Variants in RPS6KA2 observed in about 807,000 individuals in gnomAD.
RPS6KA2 encodes ribosomal protein S6 kinase alpha-2.
RPS6KA2 carries 42 observed loss-of-function variants against 91.8 expected under a neutral mutation model. The observed-to-expected ratio is 0.46, with a 90% CI of 0.36 to 0.59. RPS6KA2 has a LOEUF of 0.59. RPS6KA2 is among the 20% of genes least tolerant of loss of function. RPS6KA2 has a pLI of 0.00. For missense variants in RPS6KA2, 798 were observed against 978.5 expected (o/e 0.82, Z 2.46); for synonymous variants, 414 against 393.6 (o/e 1.05, Z -0.61).
chr6:166,589,519 A>G (rs956678670), intron 1 of RPS6KA2, among the ~76,000 whole-genome samples: 5 of 152,222 alleles, frequency 3.3e-5, no homozygotes, highest in Admixed American at 6.5e-5. Flanking sequence ...TTAGAATTGA[A>G]ATCAGTTGAA....
chr6:166,713,698 G>T (rs1163770909), intron 2 of RPS6KA2, among the ~76,000 whole-genome samples: 2 of 152,200 alleles, frequency 1.3e-5, no homozygotes, highest in African/African-American at 4.8e-5. Context: ...CATTTATTCA[G>T]CTTTATTATT....
intron 2 of RPS6KA2, among the ~76,000 whole-genome samples, chr6:166,710,638 T>C (rs1789819136): frequency 6.6e-6 from 1 of 152,286 alleles, no homozygotes; most frequent in Non-Finnish European, 1.5e-5. Context: ...CCTTCTTCTC[T>C]TCCAGGAAGA....
intron 2 of RPS6KA2, among the ~76,000 whole-genome samples, chr6:166,813,328 G>A (rs968180391): frequency 4.6e-5 from 7 of 152,152 alleles, no homozygotes; most frequent in Non-Finnish European, 8.8e-5. Context: ...TCCATGTGGA[G>A]CTCCCTGGAA....
At chr6:166,567,014 A>T (rs1784526813) in intron 1 of RPS6KA2, among the ~76,000 whole-genome samples, 1 of 152,204 alleles carries the variant, frequency 6.6e-6, no homozygotes, top group Admixed American at 6.5e-5. Flanking sequence ...TAGCCCAAAG[A>T]GTTGCAAATA....
chr6:166,858,854 T>G (rs1386938956), intron 1 of RPS6KA2, among the ~76,000 whole-genome samples: 2 of 152,256 alleles, frequency 1.3e-5, no homozygotes, highest in Non-Finnish European at 2.9e-5. Flanking sequence ...CTGCTTAACC[T>G]GGGCCTCGGA....
Position 166,665,190 on chromosome 6 carries a change from C to A in RPS6KA2, c.124-126406G>T, listed in dbSNP as rs956667899. ...GAACAACATCTGCAGGGCTCACAGA[C>A]AGAGGAATGCCCCCCAAGATACTAA... On this transcript the variant is annotated intron_variant, in intron 2 of 21. Coordinates refer to the RPS6KA2 transcript ENST00000503859. This position sits in a 1 kb window ranked among gnomAD's most constrained non-coding sequence, Gnocchi z 4.5. Among the ~76,000 whole-genome samples, 2 of 151,772 alleles carry A rather than the reference C, an allele frequency of 1.3e-5. No homozygotes were observed. The highest frequency in any genetic ancestry group is 2.4e-5 in the African/African-American group (1 of 41,172).
Position 166,733,064 on chromosome 6 carries a change from C to T in RPS6KA2, c.123+125136G>A, listed in dbSNP as rs140626357. 7.6e-4 allele frequency among the ~76,000 whole-genome samples: 115 copies of T among 152,260 alleles called. No homozygotes were observed. Among genetic ancestry groups the T allele is most frequent in the Non-Finnish European group, 1.3e-3 (91 of 68,012 alleles). ...GGGACCCTCTTTGCAGAAGCTTTCACGAGCCTAAGGGTGAGATGCTCTGCC... is the reference window on the plus strand; with the variant it reads ...GGGACCCTCTTTGCAGAAGCTTTCATGAGCCTAAGGGTGAGATGCTCTGCC... On this transcript the variant is annotated intron_variant, in intron 2 of 21. Transcript: ENST00000503859. This position sits in a 1 kb window ranked among gnomAD's most constrained non-coding sequence, Gnocchi z 4.1.
intron 2 of RPS6KA2, among the ~76,000 whole-genome samples, chr6:166,845,970 A>G (rs1353147896): frequency 6.6e-6 from 1 of 152,168 alleles, no homozygotes; most frequent in African/African-American, 2.4e-5. Context: ...TAGCGAGATT[A>G]ACCAAGAAAA....
At chr6:166,492,710 TTTTTC>T (rs1157008518) in intron 8 of RPS6KA2, among the ~76,000 whole-genome samples, 1 of 139,048 alleles carries the variant, frequency 7.2e-6, no homozygotes, top group Admixed American at 7.2e-5. Flanking sequence ...TGGTGATTTC[TTTTTC>T]TTTTCTTTTT....
At chr6:166,514,203 T>C (rs1488501047) in intron 3 of RPS6KA2, among the ~76,000 whole-genome samples, 2 of 152,228 alleles carry the variant, frequency 1.3e-5, no homozygotes, top group African/African-American at 2.4e-5. Flanking sequence ...CCTCTTCTCC[T>C]GGCCCACTCC....
intron 2 of RPS6KA2, among the ~76,000 whole-genome samples, chr6:166,799,852 T>C (rs1779319140): frequency 6.6e-6 from 1 of 152,148 alleles, no homozygotes; most frequent in African/African-American, 2.4e-5. Flanking sequence ...TGGGTGCCCC[T>C]GTCTCCGGAG....
In RPS6KA2 at chr6:166,534,183, C is replaced by A. The variant is rs1191428339; in HGVS notation, c.217-2870G>T. Reference sequence around the variant, plus strand: ...CTTGCAGTGAGCCGAGATTCAGCCACTGCAGTCCGGCCTGGGCGAAACAGC... The same window carrying A: ...CTTGCAGTGAGCCGAGATTCAGCCAATGCAGTCCGGCCTGGGCGAAACAGC... On this transcript the variant is annotated intron_variant, in intron 2 of 20. Coordinates refer to ENST00000265678, the MANE Select transcript of RPS6KA2 (RefSeq NM_021135.6). 2.3e-5 allele frequency among the ~76,000 whole-genome samples: 3 copies of A among 132,420 alleles called. No individual in the cohort carries two copies. The East Asian group carries it at 6.8e-4, about 30-fold the overall frequency. The allele number at this position is 132,420 out of a possible 152,430, so 86.9% of individuals were successfully genotyped here.
intron 2 of RPS6KA2, among the ~76,000 whole-genome samples, chr6:166,848,172 A>G (rs1479972582): frequency 6.6e-6 from 1 of 152,234 alleles, no homozygotes; most frequent in African/African-American, 2.4e-5. Context: ...AACATCACTT[A>G]TTATCAGGGA....
chr6:166,561,197 A>G (rs2128505581), intron 1 of RPS6KA2, among the ~76,000 whole-genome samples: 2 of 152,266 alleles, frequency 1.3e-5, no homozygotes, highest in South Asian at 4.1e-4. Context: ...CTCATTCAGG[A>G]GACCCTGGAA....
At chr6:166,716,334 T>C (rs1041520527) in intron 2 of RPS6KA2, among the ~76,000 whole-genome samples, 6 of 152,132 alleles carry the variant, frequency 3.9e-5, no homozygotes, top group Non-Finnish European at 8.8e-5. Context: ...AGGACGATGA[T>C]TTCCCACCGA....
intron 1 of RPS6KA2, among the ~76,000 whole-genome samples, chr6:166,597,087 C>G (rs1475446273): frequency 2.6e-5 from 4 of 152,100 alleles, no homozygotes; most frequent in Non-Finnish European, 5.9e-5. Context: ...GAGAACCAGC[C>G]CATGGTGTTC....
At chr6:166,560,222 G>A (rs1784301930) in intron 1 of RPS6KA2, among the ~76,000 whole-genome samples, 1 of 152,174 alleles carries the variant, frequency 6.6e-6, no homozygotes, top group Non-Finnish European at 1.5e-5. Context: ...GTTCTGCAGG[G>A]GAAGGGTTCT....
At chr6:166,634,816 G>A (rs1036595384) in intron 2 of RPS6KA2, among the ~76,000 whole-genome samples, 2 of 152,066 alleles carry the variant, frequency 1.3e-5, no homozygotes, top group African/African-American at 4.8e-5. Context: ...TGACCAGGCT[G>A]GTCTCGAATT....
intron 1 of RPS6KA2, among the ~76,000 whole-genome samples, chr6:166,596,511 G>A (rs907509127): frequency 7.9e-5 from 12 of 152,172 alleles, no homozygotes; most frequent in African/African-American, 2.7e-4. Context: ...TCCTACCCTC[G>A]ATCATCAGAC....
Sources: allele counts gnomAD v4.1 joint callset (sites outside exome capture counted in the v4.1 genomes callset), GRCh38; gene constraint gnomAD v4.1.1; non-coding constraint Gnocchi (gnomAD v3.1); transcripts MANE v1.5; gene names NCBI Gene and HGNC (gene_info 2026-07-23, HGNC 2026-07-21).